Variants in TMEM108 observed in about 807,000 individuals in gnomAD.
TMEM108 encodes cancer/testis antigen 124.
Under a neutral mutation model 35.1 loss-of-function variants are expected in TMEM108, and 12 were observed. That is an observed-to-expected ratio of 0.34 (90% CI 0.22 to 0.55). The LOEUF is 0.55. TMEM108 is among the 20% of genes least tolerant of loss of function. The pLI is 0.89. For synonymous variants in TMEM108, 287 were observed against 308.6 expected, an observed-to-expected ratio of 0.93 and a Z score of 0.73; for missense variants, 680 against 753.3, an observed-to-expected ratio of 0.90 and a Z score of 1.14.
At chr3:133,073,136 C>G (rs1192717908) in intron 2 of TMEM108, among the ~76,000 whole-genome samples, 1 of 152,038 alleles carries the variant, frequency 6.6e-6, no homozygotes, top group Admixed American at 6.6e-5. Context: ...GGTAAGAACA[C>G]TTAAAATCTA....
Position 133,379,847 on chromosome 3 carries a change from C to A in TMEM108, c.136C>A (p.Pro46Thr), listed in dbSNP as rs780460288. 4.3e-6 allele frequency: 7 copies of A among 1,613,898 alleles called. No homozygotes were observed. In the Admixed American group the frequency reaches 1.0e-4, roughly 23 times the overall value. ...ESLQVLPSGT[P>T]PGTMVTAPHS... The stretch of plus-strand genomic sequence containing the variant: ...TCTTCAGGTCCTCCCTTCAGGCACT[C>A]CCCCGGGAACCATGGTGACAGCACC... Residue 46 changes from proline to threonine, a missense_variant, in exon 4 of 6, where the codon CCC (proline) becomes ACC (threonine). By Grantham distance (38) the Pro-to-Thr change is conservative (BLOSUM62 -1). Around this residue, in one of 3 missense-constraint regions of TMEM108, gnomAD observed 49 missense variants for 70.6 expected, o/e 0.69. Transcript: ENST00000321871.
chr3:133,074,213 C>T (rs898760146), intron 2 of TMEM108: 1 of 152,062 alleles, frequency 6.6e-6, no homozygotes, highest in African/African-American at 2.4e-5. Context: ...TTTTATTAGA[C>T]TCCCTCTTGA....
chr3:133,191,749 A>T (rs77808359), intron 2 of TMEM108, among the ~76,000 whole-genome samples: 3 of 152,298 alleles, frequency 2.0e-5, no homozygotes, highest in Non-Finnish European at 4.4e-5. Context: ...TTTGAGGTGT[A>T]CTAGTGTAGG....
intron 2 of TMEM108, among the ~76,000 whole-genome samples, chr3:133,189,658 C>G (rs189313101): frequency 6.6e-6 from 1 of 152,280 alleles, no homozygotes; most frequent in East Asian, 1.9e-4. Context: ...ATTTGAGACA[C>G]AGTGTTCTAA....
At chr3:133,176,757 T>C (rs371423094) in intron 2 of TMEM108, among the ~76,000 whole-genome samples, 1 of 151,978 alleles carries the variant, frequency 6.6e-6, no homozygotes, top group African/African-American at 2.4e-5. Context: ...TTAAAAGAAC[T>C]AGAGAAGCAA....
intron 2 of TMEM108, among the ~76,000 whole-genome samples, chr3:133,178,002 A>T (rs1480106511): frequency 6.6e-6 from 1 of 152,198 alleles, no homozygotes; most frequent in Admixed American, 6.5e-5. Flanking sequence ...AATCACAAGC[A>T]TTCTTATACA....
rs1158579253 is a variant in TMEM108 at position 133,396,915 on chromosome 3, T to TAGTA, written c.*930_*933dup. On this transcript the variant is annotated 3_prime_UTR_variant, in exon 6 of 6. Transcript: ENST00000321871. ...CATGTTTATCTAAGAAGCTTTGAGGTAGTAGAGCGATAATTTTTGAAACCT... is the reference window on the plus strand; with the variant it reads ...CATGTTTATCTAAGAAGCTTTGAGGTAGTAAGTAGAGCGATAATTTTTGAAACCT... 3 of 152,172 alleles carry TAGTA rather than the reference T, an allele frequency of 2.0e-5. No homozygotes were observed. Among genetic ancestry groups the TAGTA allele is most frequent in the Admixed American group, 6.5e-5 (1 of 15,280 alleles). 9.4% of individuals were successfully genotyped at this position (152,172 alleles called of 1,614,324 possible).
At chr3:133,172,049 A>G (rs1206808049) in intron 2 of TMEM108, among the ~76,000 whole-genome samples, 3 of 152,240 alleles carry the variant, frequency 2.0e-5, no homozygotes, top group Non-Finnish European at 4.4e-5. Context: ...GATAATGATT[A>G]TAATGATAAC....
chr3:133,336,597 A>T (rs2071509666), intron 3 of TMEM108, among the ~76,000 whole-genome samples: 1 of 152,046 alleles, frequency 6.6e-6, no homozygotes, highest in East Asian at 1.9e-4. Context: ...ACTGGCTTCA[A>T]GTGAGACTCA....
intron 2 of TMEM108, among the ~76,000 whole-genome samples, chr3:133,130,296 C>T (rs1187576244): frequency 6.6e-6 from 1 of 152,172 alleles, no homozygotes; most frequent in East Asian, 1.9e-4. Flanking sequence ...TCAGCAACAA[C>T]CATGTGTATT....
intron 3 of TMEM108, among the ~76,000 whole-genome samples, chr3:133,313,102 G>T (rs1012697778): frequency 2.0e-5 from 3 of 151,928 alleles, no homozygotes; most frequent in African/African-American, 7.3e-5. Context: ...TCTTTAATCT[G>T]GAACGTTTGT....
At chr3:133,323,735 A>T (rs1426460065) in intron 3 of TMEM108, among the ~76,000 whole-genome samples, 1 of 152,218 alleles carries the variant, frequency 6.6e-6, no homozygotes, top group African/African-American at 2.4e-5. Flanking sequence ...CTAAGCAAAA[A>T]GAACAGATCT....
At chr3:133,381,334 C>T (rs1171984863) in intron 4 of TMEM108, among the ~76,000 whole-genome samples, 173 bp downstream of exon 4, 1 of 152,260 alleles carries the variant, frequency 6.6e-6, no homozygotes, top group Non-Finnish European at 1.5e-5. Context: ...CTCAGCTCTG[C>T]CTGGCCATGG....
chr3:133,117,488 G>C (rs1009085236), intron 2 of TMEM108, among the ~76,000 whole-genome samples: 1 of 152,170 alleles, frequency 6.6e-6, no homozygotes, highest in East Asian at 1.9e-4. Context: ...AACCTCCCAA[G>C]GGAGACTCAA....
chr3:133,182,687 C>T (rs1945364695), intron 2 of TMEM108, among the ~76,000 whole-genome samples: 1 of 152,180 alleles, frequency 6.6e-6, no homozygotes, highest in African/African-American at 2.4e-5. Context: ...AGCATAAGGC[C>T]CAGCTAGAGG....
intron 2 of TMEM108, among the ~76,000 whole-genome samples, chr3:133,218,693 G>A (rs575790640): frequency 1.3e-5 from 2 of 151,986 alleles, no homozygotes; most frequent in African/African-American, 4.8e-5. Context: ...GTAGACTTGT[G>A]TATGTTGAAG....
intron 3 of TMEM108, among the ~76,000 whole-genome samples, chr3:133,324,081 T>C (rs1408543663): frequency 1.3e-5 from 2 of 152,032 alleles, no homozygotes; most frequent in African/African-American, 4.8e-5. Flanking sequence ...TTATAGAAGA[T>C]AACATCAGAA....
chr3:133,053,849 G>A (rs1274899123), intron 2 of TMEM108, among the ~76,000 whole-genome samples: 5 of 152,002 alleles, frequency 3.3e-5, no homozygotes, highest in South Asian at 2.1e-4. Context: ...TCCATTTATC[G>A]TTCCCACAAC....
chr3:133,163,445 T>C (rs1944990089), intron 2 of TMEM108, among the ~76,000 whole-genome samples: 1 of 152,126 alleles, frequency 6.6e-6, no homozygotes, highest in African/African-American at 2.4e-5. Context: ...ATAGTCCTTA[T>C]ATACCATAGG....
Sources: allele counts gnomAD v4.1 joint callset (sites outside exome capture counted in the v4.1 genomes callset), GRCh38; gene constraint gnomAD v4.1.1; regional missense constraint gnomAD v4.1.1; transcripts MANE v1.5; gene names NCBI Gene and HGNC (gene_info 2026-07-23, HGNC 2026-07-21).